The following BLOC1S6 variants were observed in gnomAD, a reference collection of about 807,000 sequenced individuals.
BLOC1S6 encodes biogenesis of lysosome-related organelles complex 1 subunit 6.
A neutral mutation model predicts 24.7 loss-of-function variants in BLOC1S6; 24 were observed. The observed-to-expected ratio is 0.97, with a 90% confidence interval of 0.70 to 1.37. The LOEUF is 1.37. Among genes scored for constraint, BLOC1S6 ranks in the 40% most tolerant of loss-of-function variants. The pLI, the probability that BLOC1S6 is intolerant of heterozygous loss-of-function variation, is 0.00. For missense variants in BLOC1S6, 175 were observed against 196.2 expected, an observed-to-expected ratio of 0.89 and a Z score of 0.64; for synonymous variants, 76 against 72.6, an observed-to-expected ratio of 1.05 and a Z score of -0.23.
At chr15:45,600,433 G>C (rs1486796873) in intron 2 of BLOC1S6, among the ~76,000 whole-genome samples, 1 of 152,090 alleles carries the variant, frequency 6.6e-6, no homozygotes, top group Admixed American at 6.5e-5. Flanking sequence ...AATGTTAGCT[G>C]CAGGTTTTTC....
intron 3 of BLOC1S6, among the ~76,000 whole-genome samples, chr15:45,605,118 TTAGA>T (rs1301688621): frequency 2.0e-4 from 30 of 152,364 alleles, no homozygotes; most frequent in Non-Finnish European, 3.8e-4. Flanking sequence ...GATAGCATTA[TTAGA>T]TAGTCTTATC....
chr15:45,587,932 T>C (rs1419892012), intron 1 of BLOC1S6: 4 of 599,874 alleles, frequency 6.7e-6, no homozygotes, highest in East Asian at 2.8e-5. Context: ...CTCGGTGATA[T>C]TACTTCATCC....
chr15:45,603,618 G>A (rs1894344092), intron 3 of BLOC1S6, among the ~76,000 whole-genome samples: 1 of 152,308 alleles, frequency 6.6e-6, no homozygotes, highest in East Asian at 1.9e-4. Context: ...AGAAACTGAG[G>A]TGGAAGGATT....
chr15:45,592,554 T>TA (rs2140904979), intron 2 of BLOC1S6, among the ~76,000 whole-genome samples: 1 of 152,358 alleles, frequency 6.6e-6, no homozygotes, highest in South Asian at 2.1e-4. Flanking sequence ...CATTATTTTA[T>TA]GAAAGTATTG....
chr15:45,588,918 A>G (rs1268628182), intron 1 of BLOC1S6, among the ~76,000 whole-genome samples: 1 of 152,072 alleles, frequency 6.6e-6, no homozygotes, highest in Non-Finnish European at 1.5e-5. Context: ...GTCCTCACAG[A>G]TTGTTGGTGG....
At chr15:45,600,928 T>C (rs1894249481) in intron 2 of BLOC1S6, among the ~76,000 whole-genome samples, 1 of 152,180 alleles carries the variant, frequency 6.6e-6, no homozygotes, top group African/African-American at 2.4e-5. Flanking sequence ...ATTTTGTGCA[T>C]GAAACAAAGA....
At chr15:45,601,130 A>G (rs1894255451) in intron 2 of BLOC1S6, 1 of 154,140 alleles carries the variant, frequency 6.5e-6, no homozygotes, top group Admixed American at 6.5e-5. Context: ...AACAATAACT[A>G]ATAATAAAAT....
chr15:45,593,974 T>G (rs1325526687), intron 2 of BLOC1S6, among the ~76,000 whole-genome samples: 1 of 152,210 alleles, frequency 6.6e-6, no homozygotes, highest in East Asian at 1.9e-4. Flanking sequence ...ATATGCTTCT[T>G]GACTGTTAAG....
At position 45,608,975 on chromosome 15, in the gene BLOC1S6, ACAAAT is replaced by A; in HGVS notation, c.*2467_*2471del. 6.6e-6 allele frequency: 1 copy of A among 152,334 alleles called. No homozygotes were observed. Among genetic ancestry groups the A allele is most frequent in the Non-Finnish European group, 1.5e-5 (1 of 68,028 alleles). 9.4% of individuals were successfully genotyped at this position (152,334 alleles called of 1,614,324 possible). ...TTGAACTTTTGTGACCTGTTTAAAA[ACAAAT>A]CAAATTTATTGAACAAATGACAAGG... is the stretch of plus-strand genomic sequence containing the variant. On this transcript the variant is annotated 3_prime_UTR_variant, in exon 5 of 5. Transcript: ENST00000220531.
In BLOC1S6 at chr15:45,608,047, T is replaced by C. The variant is rs1342459854; in HGVS notation, c.*1533T>C. The C allele has an allele frequency of 6.6e-6, 1 of 152,638 alleles. No homozygotes were observed. The highest frequency in any genetic ancestry group is 6.5e-5 in the Admixed American group (1 of 15,284). The allele number at this position is 152,638 out of a possible 1,614,324, so 9.5% of individuals were successfully genotyped here. On this transcript the variant is annotated 3_prime_UTR_variant, in exon 5 of 5. Coordinates refer to ENST00000220531, the MANE Select transcript of BLOC1S6 (RefSeq NM_012388.4). Reference sequence around the variant, plus strand: ...CAACTGGTCTCCAATCTCCATTACATAGGGACTGTACAGAGCCTGTGAAGA... The same window carrying C: ...CAACTGGTCTCCAATCTCCATTACACAGGGACTGTACAGAGCCTGTGAAGA...
intron 2 of BLOC1S6, among the ~76,000 whole-genome samples, chr15:45,597,300 G>C (rs1211314083): frequency 1.3e-5 from 2 of 152,086 alleles, no homozygotes; most frequent in African/African-American, 4.8e-5. Context: ...AATGTAATGA[G>C]ACCCTGTCTC....
Position 45,596,688 on chromosome 15 carries a change from G to GT in BLOC1S6, c.224+4422dup, listed in dbSNP as rs929994921. On this transcript the variant is annotated intron_variant, in intron 2 of 4. Transcript: ENST00000220531. ...TAGCTTTTTGTTGTTGTCATTGTTT[G>GT]TTTTTTTTTTGAGACAGGGTCTCAC... Among the ~76,000 whole-genome samples, 356 of 143,376 alleles carry GT rather than the reference G, an allele frequency of 2.5e-3. 2 individuals are homozygous for GT. The East Asian group carries it at 0.032, about 13-fold the overall frequency. 94.1% of individuals were successfully genotyped at this position (143,376 alleles called of 152,430 possible).
chr15:45,606,751 C>G lies in BLOC1S6; in HGVS notation c.*237C>G. 2.0e-6 allele frequency: 1 copy of G among 512,706 alleles called. No individual in the cohort carries two copies. The allele number at this position is 512,706 out of a possible 1,614,324, so 31.8% of individuals were successfully genotyped here. A position where few individuals can be genotyped will look rare whatever the true frequency, so the allele number is the denominator to read the frequency against. The stretch of plus-strand genomic sequence containing the variant: ...TAATTTTAAAATTTATTATTTTGAT[C>G]TTGAATTATTTATAAACTGGAAAGT... On this transcript the variant is annotated 3_prime_UTR_variant, in exon 5 of 5. Coordinates refer to ENST00000220531, the MANE Select transcript of BLOC1S6 (RefSeq NM_012388.4).
chr15:45,605,592 ATTC>A (rs1191376793), intron 4 of BLOC1S6, 78 bp downstream of exon 4: 21 of 1,102,728 alleles, frequency 1.9e-5, no homozygotes, highest in East Asian at 2.7e-5. Context: ...TTTTTTCAGT[ATTC>A]TTTTTTTTTT....
At chr15:45,597,734 C>T (rs185311082) in intron 2 of BLOC1S6, 2 of 179,286 alleles carry the variant, frequency 1.1e-5, no homozygotes, top group African/African-American at 4.8e-5. Context: ...TGAAATCTTA[C>T]TATACTTGCC....
intron 2 of BLOC1S6, among the ~76,000 whole-genome samples, chr15:45,595,823 T>A (rs1378604030): frequency 1.3e-5 from 2 of 152,206 alleles, no homozygotes; most frequent in Non-Finnish European, 2.9e-5. Flanking sequence ...TTTGTTTGTT[T>A]TGAGATGGAG....
chr15:45,601,700 C>A (rs76297143), intron 2 of BLOC1S6, among the ~76,000 whole-genome samples: 4,889 of 151,832 alleles, frequency 0.032, 281 homozygotes, highest in African/African-American at 0.11. Context: ...TAAAGAACCA[C>A]CTTTTTGTCT....
intron 1 of BLOC1S6, chr15:45,587,883 T>C: frequency 1.6e-6 from 1 of 637,926 alleles, no homozygotes; most frequent in Non-Finnish European, 2.8e-6. Flanking sequence ...AGAGGTGACG[T>C]ATCCTATAAT....
chr15:45,589,604 G>A (rs1292431207), intron 1 of BLOC1S6, among the ~76,000 whole-genome samples: 2 of 152,104 alleles, frequency 1.3e-5, no homozygotes, highest in African/African-American at 4.8e-5. Flanking sequence ...CATATTCTGT[G>A]ATTGCTCGTA....
Sources: allele counts gnomAD v4.1 joint callset (sites outside exome capture counted in the v4.1 genomes callset), GRCh38; gene constraint gnomAD v4.1.1; transcripts MANE v1.5; gene names NCBI Gene and HGNC (gene_info 2026-07-23, HGNC 2026-07-21).